PXDN: variants seen among roughly 807,000 people sequenced by gnomAD.
PXDN encodes peroxidasin.
A neutral mutation model predicts 140.3 loss-of-function variants in PXDN; 77 were observed. The observed-to-expected ratio is 0.55, with a 90% CI of 0.46 to 0.66. PXDN has a LOEUF of 0.66. Among genes scored for constraint, PXDN ranks in the 30% least tolerant of loss-of-function variants. The pLI is 0.00. For synonymous variants in PXDN, 911 were observed against 857.4 expected (o/e 1.06, Z -1.09); for missense variants, 1,838 against 2,039.5 (o/e 0.90, Z 1.90).
Position 1,648,717 on chromosome 2 carries a change from G to A in PXDN, c.3063C>T (p.Ile1021=). Reference sequence around the variant, plus strand: ...TGATGTGCTGGATCTCCGCACCCACGATCTTCCTGGTCTCATAGTAGATGG... The same window carrying A: ...TGATGTGCTGGATCTCCGCACCCACAATCTTCCTGGTCTCATAGTAGATGG... The part of the protein sequence containing the change: ...GDTIYYETRK[I]VGAEIQHITY... The change falls in exon 17 of 23, where the codon ATC becomes ATT. Residue 1021 remains isoleucine, a synonymous_variant. Transcript: ENST00000252804. The surrounding 1 kb of genome is among the most constrained non-coding windows in gnomAD (Gnocchi z 8.9). The A allele has an allele frequency of 1.9e-6, 3 of 1,604,718 alleles. No homozygotes were observed. The highest frequency in any genetic ancestry group is 2.6e-6 in the Non-Finnish European group (3 of 1,176,158).
intron 17 of PXDN, 89 bp from the exon 18 acceptor site, chr2:1,644,841 A>G (rs1572119276): frequency 2.4e-6 from 3 of 1,266,822 alleles, no homozygotes; most frequent in Admixed American, 7.1e-5. Context: ...CTTTCTTTCT[A>G]TCACTATTTT....
At chr2:1,655,892 G>A (rs558106436) in intron 14 of PXDN, among the ~76,000 whole-genome samples, 7 of 150,638 alleles carry the variant, frequency 4.6e-5, no homozygotes, top group African/African-American at 1.7e-4. Flanking sequence ...ACTACACTCA[G>A]ATACACACGA....
At chr2:1,646,711 G>A (rs1006805328) in intron 17 of PXDN, among the ~76,000 whole-genome samples, 1 of 152,144 alleles carries the variant, frequency 6.6e-6, no homozygotes, top group Non-Finnish European at 1.5e-5. Context: ...TAACTTAGGA[G>A]TCAACTGCAG....
chr2:1,664,306 G>A (rs2125426156), intron 11 of PXDN: 1 of 157,774 alleles, frequency 6.3e-6, no homozygotes, highest in South Asian at 1.9e-4. Context: ...GAGTGGCCAG[G>A]ATGTCTCAGG....
chr2:1,668,318 C>T (rs1683493597), intron 9 of PXDN, among the ~76,000 whole-genome samples: 2 of 152,270 alleles, frequency 1.3e-5, no homozygotes, highest in South Asian at 4.1e-4. Flanking sequence ...GGATTAAAGA[C>T]TTAAACATAA....
At chr2:1,661,656 G>A (rs1339381855) in intron 13 of PXDN, among the ~76,000 whole-genome samples, 3 of 152,156 alleles carry the variant, frequency 2.0e-5, no homozygotes, top group Admixed American at 6.5e-5. Context: ...GTGTGTGAGT[G>A]CTACCCACAT....
intron 18 of PXDN, among the ~76,000 whole-genome samples, chr2:1,644,248 A>G (rs752171555): frequency 1.3e-5 from 2 of 152,176 alleles, no homozygotes; most frequent in South Asian, 2.1e-4. Context: ...AAGTAAAGTA[A>G]TAACAGTAGA....
intron 12 of PXDN, among the ~76,000 whole-genome samples, chr2:1,662,750 G>A (rs964611999): frequency 2.6e-5 from 4 of 152,188 alleles, no homozygotes; most frequent in Non-Finnish European, 4.4e-5. Context: ...AAGAAACACA[G>A]AGCCAACCCG....
intron 16 of PXDN, among the ~76,000 whole-genome samples, chr2:1,652,360 G>A (rs1179838214): frequency 1.3e-5 from 2 of 152,114 alleles, no homozygotes; most frequent in Non-Finnish European, 2.9e-5. Flanking sequence ...TCTACCAGGA[G>A]ACTGGCACCA....
At chr2:1,719,317 A>G (rs1227070569) in intron 1 of PXDN, among the ~76,000 whole-genome samples, 1 of 152,190 alleles carries the variant, frequency 6.6e-6, no homozygotes, top group Non-Finnish European at 1.5e-5. Context: ...AGCAGCCGGC[A>G]GCACCCAACC....
At position 1,648,055 on chromosome 2, in the gene PXDN, C is replaced by T. The variant is rs561756422; in HGVS notation, c.3608+117G>A. ...ACCTTCATGGACTTGACCTTCATCT[C>T]ACCTCTGCACGACACGAACAAAACT... On this transcript the variant is annotated intron_variant, in intron 17 of 22. Transcript: ENST00000252804. This position sits in a 1 kb window ranked among gnomAD's most constrained non-coding sequence, Gnocchi z 8.9. 5 of 1,379,112 alleles carry T rather than the reference C, an allele frequency of 3.6e-6. No homozygotes were observed. Among genetic ancestry groups the T allele is most frequent in the South Asian group, 2.8e-5 (2 of 72,234 alleles). The allele number at this position is 1,379,112 out of a possible 1,614,324, so 85.4% of individuals were successfully genotyped here.
chr2:1,693,863 G>T (rs936396817), intron 1 of PXDN, among the ~76,000 whole-genome samples: 2 of 152,198 alleles, frequency 1.3e-5, no homozygotes, highest in African/African-American at 4.8e-5. Flanking sequence ...CTGCTAATCT[G>T]ATGCTCAGGC....
At chr2:1,664,136 C>T (rs553142685) in intron 11 of PXDN, 11 of 197,890 alleles carry the variant, frequency 5.6e-5, no homozygotes, top group African/African-American at 2.5e-4. Flanking sequence ...AAGTTCCTTT[C>T]CGGGATAAAC....
chr2:1,684,474 G>GA (rs1247889367), intron 4 of PXDN, among the ~76,000 whole-genome samples: 1 of 152,030 alleles, frequency 6.6e-6, no homozygotes, highest in African/African-American at 2.4e-5. Flanking sequence ...AAAATATATG[G>GA]AAAAAAGCAA....
chr2:1,673,575 A>G (rs1468228851), intron 9 of PXDN, 68 bp downstream of exon 9: 2 of 1,516,616 alleles, frequency 1.3e-6, no homozygotes, highest in Non-Finnish European at 1.8e-6. Context: ...GTGCAAGGAA[A>G]GGAGAAGGCA....
At chr2:1,636,108 T>C (rs7587315) in intron 21 of PXDN, 169,152 of 198,880 alleles carry the variant, frequency 0.85, 73,422 homozygotes, top group East Asian at 1. Flanking sequence ...CCACCCACAG[T>C]ACAGCACCAA....
At chr2:1,652,930 C>G (rs951153966) in intron 16 of PXDN, 16 of 149,270 alleles carry the variant, frequency 1.1e-4, no homozygotes, top group African/African-American at 1.7e-4. Flanking sequence ...CCTCCGTGCT[C>G]TGTGTGTGTG....
At chr2:1,680,133 G>A (rs1459176879) in intron 7 of PXDN, 60 bp downstream of exon 7, 20 of 1,475,146 alleles carry the variant, frequency 1.4e-5, no homozygotes, top group Non-Finnish European at 1.7e-5. Flanking sequence ...TGTGTGTGTG[G>A]ATGGTGTGTG....
intron 8 of PXDN, 53 bp from the exon 9 acceptor site, chr2:1,673,865 C>T: frequency 1.3e-6 from 2 of 1,586,008 alleles, no homozygotes; most frequent in South Asian, 1.1e-5. Flanking sequence ...AAAGACGTAC[C>T]TCACCCATCC....
Sources: allele counts gnomAD v4.1 joint callset (sites outside exome capture counted in the v4.1 genomes callset), GRCh38; gene constraint gnomAD v4.1.1; non-coding constraint Gnocchi (gnomAD v3.1); transcripts MANE v1.5; gene names NCBI Gene and HGNC (gene_info 2026-07-23, HGNC 2026-07-21).